The following SPMIP2 variants were observed in gnomAD, a reference collection of about 807,000 sequenced individuals.
SPMIP2 encodes the protein protein SPMIP2.
At chr4:158,915,158 A>T in the SPMIP2 span, 1 of 1,600,742 alleles carries the variant, frequency 6.2e-7, no homozygotes, top group African/African-American at 1.3e-5. Flanking sequence ...TTAGAAAAGC[A>T]AAACATCATA....
chr4:159,053,465 G>A, the SPMIP2 span, among the ~76,000 whole-genome samples: 1 of 152,152 alleles, frequency 6.6e-6, no homozygotes, highest in Non-Finnish European at 1.5e-5. Flanking sequence ...TGGGCCGGTA[G>A]GGTCCCCTAG....
At chr4:159,030,381 C>T in the SPMIP2 span, among the ~76,000 whole-genome samples, 14 of 151,554 alleles carry the variant, frequency 9.2e-5, no homozygotes, top group African/African-American at 3.4e-4. Flanking sequence ...CCACTGCACT[C>T]TAGCCTGGGT....
chr4:159,045,125 G>A, the SPMIP2 span, among the ~76,000 whole-genome samples: 8 of 151,744 alleles, frequency 5.3e-5, no homozygotes, highest in Middle Eastern at 3.4e-3. Flanking sequence ...TTATAGCTGA[G>A]CCCAGAAGTC....
At chr4:159,048,320 T>C in the SPMIP2 span, among the ~76,000 whole-genome samples, 705 of 152,346 alleles carry the variant, frequency 4.6e-3, 4 homozygotes, top group African/African-American at 0.016. Context: ...CTGGAATGCC[T>C]GGCAAGTGCA....
the SPMIP2 span, among the ~76,000 whole-genome samples, chr4:158,943,293 AG>A: frequency 2.6e-5 from 4 of 152,210 alleles, no homozygotes; most frequent in Non-Finnish European, 4.4e-5. Flanking sequence ...TTTTTCCAAA[AG>A]GTTAGCCAGT....
chr4:158,904,668 T>C, the SPMIP2 span: 1 of 847,212 alleles, frequency 1.2e-6, no homozygotes, highest in South Asian at 1.6e-5. Flanking sequence ...TCATTCCACC[T>C]TTTTGTTTTG....
chr4:159,028,334 A>AT, the SPMIP2 span, among the ~76,000 whole-genome samples: 24 of 151,628 alleles, frequency 1.6e-4, no homozygotes, highest in Admixed American at 2.6e-4. Flanking sequence ...ATTTTTAAGT[A>AT]TTTTTTTTTC....
At chr4:158,967,199 A>G in the SPMIP2 span, among the ~76,000 whole-genome samples, 1 of 152,222 alleles carries the variant, frequency 6.6e-6, no homozygotes, top group Non-Finnish European at 1.5e-5. Context: ...TGAGAATCCT[A>G]TAAAGCTAAG....
the SPMIP2 span, among the ~76,000 whole-genome samples, chr4:158,948,350 TTC>T: frequency 1.3e-5 from 2 of 152,150 alleles, no homozygotes; most frequent in Non-Finnish European, 2.9e-5. Context: ...GCCTGAAATT[TTC>T]TTTTTTTCTA....
At chr4:159,025,651 T>G in the SPMIP2 span, among the ~76,000 whole-genome samples, 1 of 152,160 alleles carries the variant, frequency 6.6e-6, no homozygotes, top group Non-Finnish European at 1.5e-5. Flanking sequence ...TTAAGATGGT[T>G]TTGTGTCCTT....
At chr4:158,976,111 T>C in the SPMIP2 span, among the ~76,000 whole-genome samples, 1 of 151,978 alleles carries the variant, frequency 6.6e-6, no homozygotes, top group Non-Finnish European at 1.5e-5. Flanking sequence ...TTTATAGAAA[T>C]ACTTGTGATT....
At chr4:159,011,620 G>T in the SPMIP2 span, among the ~76,000 whole-genome samples, 1 of 151,986 alleles carries the variant, frequency 6.6e-6, no homozygotes, top group Non-Finnish European at 1.5e-5. Flanking sequence ...CGGGCATGGT[G>T]GCACATGCCT....
chr4:158,987,758 A>G, the SPMIP2 span, among the ~76,000 whole-genome samples: 1 of 152,094 alleles, frequency 6.6e-6, no homozygotes, highest in East Asian at 1.9e-4. Context: ...GTGCACATGT[A>G]CCCTAAAACT....
the SPMIP2 span, among the ~76,000 whole-genome samples, chr4:158,960,127 T>G: frequency 1.3e-5 from 2 of 152,132 alleles, no homozygotes; most frequent in Non-Finnish European, 2.9e-5. Flanking sequence ...AGTGCATATT[T>G]ACTGTGTTTA....
the SPMIP2 span, chr4:159,007,491 T>C: frequency 2.0e-5 from 15 of 753,342 alleles, no homozygotes; most frequent in South Asian, 1.9e-4. Context: ...ATCACAGGGA[T>C]CCAGCACCTG....
chr4:158,936,577 A>G, the SPMIP2 span, among the ~76,000 whole-genome samples: 1 of 152,222 alleles, frequency 6.6e-6, no homozygotes, highest in East Asian at 1.9e-4. Flanking sequence ...GCACATGGAA[A>G]TTTTTGAGAA....
At chr4:158,901,207 A>G in the SPMIP2 span, among the ~76,000 whole-genome samples, 7 of 137,740 alleles carry the variant, frequency 5.1e-5, no homozygotes, top group East Asian at 1.2e-3. Flanking sequence ...ATCTTAGCTC[A>G]CTGCAACCTC....
At chr4:159,057,273 G>A in the SPMIP2 span, among the ~76,000 whole-genome samples, 5 of 152,272 alleles carry the variant, frequency 3.3e-5, no homozygotes, top group East Asian at 1.9e-4. Flanking sequence ...CTCTCATTTC[G>A]TGACTGCCCT....
chr4:158,992,946 A>G, the SPMIP2 span, among the ~76,000 whole-genome samples: 3 of 152,244 alleles, frequency 2.0e-5, no homozygotes, highest in East Asian at 1.9e-4. Context: ...CACTTAAACC[A>G]TAGCACAAGC....
Sources: allele counts gnomAD v4.1 joint callset (sites outside exome capture counted in the v4.1 genomes callset), GRCh38; gene constraint gnomAD v4.1.1; transcripts MANE v1.5; gene names NCBI Gene and HGNC (gene_info 2026-07-23, HGNC 2026-07-21).